The following RALGAPA1 variants were observed in gnomAD, a reference collection of about 807,000 sequenced individuals.
RALGAPA1 encodes Ral GTPase activating protein catalytic subunit alpha 1, also known as ral GTPase-activating protein subunit alpha-1.
In RALGAPA1, 52 loss-of-function variants were observed where a neutral mutation model predicts 269.6. That is an observed-to-expected ratio of 0.19 (90% CI 0.15 to 0.24). The LOEUF (loss-of-function observed/expected upper bound fraction) is 0.24. Ranked by LOEUF, RALGAPA1 falls within the 10% of genes least tolerant of loss-of-function variation. RALGAPA1 has a pLI of 1.00. For missense variants in RALGAPA1, 1,917 were observed against 3,013.9 expected, an observed-to-expected ratio of 0.64 and a Z score of 8.52; for synonymous variants, 817 against 1,008.3, an observed-to-expected ratio of 0.81 and a Z score of 3.60.
At chr14:35,625,313 G>T in intron 35 of RALGAPA1, 48 bp downstream of exon 35, 1 of 1,200,042 alleles carries the variant, frequency 8.3e-7, no homozygotes, top group Non-Finnish European at 1.2e-6. Flanking sequence ...TTCTAAAAGA[G>T]AAATACCTGA....
intron 8 of RALGAPA1, among the ~76,000 whole-genome samples, chr14:35,751,080 T>C (rs2072638419): frequency 6.6e-6 from 1 of 152,164 alleles, no homozygotes; most frequent in Non-Finnish European, 1.5e-5. Flanking sequence ...AACTTGGTAT[T>C]AGGAACATCT....
chr14:35,694,855 C>G (rs1411161531), intron 17 of RALGAPA1, among the ~76,000 whole-genome samples: 1 of 151,928 alleles, frequency 6.6e-6, no homozygotes, highest in African/African-American at 2.4e-5. Context: ...GGTGGGTGGA[C>G]CACCTGAGGT....
chr14:35,645,924 A>C (rs1041192452), intron 31 of RALGAPA1, among the ~76,000 whole-genome samples: 4 of 152,176 alleles, frequency 2.6e-5, no homozygotes, highest in Middle Eastern at 6.8e-3. Flanking sequence ...GCATGCCCCC[A>C]AAATAATGGG....
intron 31 of RALGAPA1, among the ~76,000 whole-genome samples, chr14:35,636,950 C>T (rs2061698518): frequency 6.6e-6 from 1 of 152,260 alleles, no homozygotes; most frequent in South Asian, 2.1e-4. Flanking sequence ...TGGGAACTTG[C>T]TGTGAATCTA....
intron 1 of RALGAPA1, among the ~76,000 whole-genome samples, chr14:35,800,877 T>C (rs1184235480): frequency 1.3e-5 from 2 of 151,892 alleles, no homozygotes; most frequent in East Asian, 3.9e-4. Flanking sequence ...GGGTGGCGCA[T>C]GCCTGTAGTC....
chr14:35,585,916 G>C (rs888616943), intron 37 of RALGAPA1, among the ~76,000 whole-genome samples: 5 of 152,170 alleles, frequency 3.3e-5, no homozygotes, highest in African/African-American at 4.8e-5. Flanking sequence ...TTTTGCTTAG[G>C]ATTGTCTTGG....
intron 1 of RALGAPA1, among the ~76,000 whole-genome samples, chr14:35,789,080 A>G (rs1031547173): frequency 1.3e-4 from 20 of 152,166 alleles, no homozygotes; most frequent in African/African-American, 4.8e-4. Context: ...AAATCAAACT[A>G]CTAGAGGGAA....
chr14:35,582,071 G>A (rs1365404472), intron 37 of RALGAPA1, among the ~76,000 whole-genome samples: 1 of 152,198 alleles, frequency 6.6e-6, no homozygotes, highest in Non-Finnish European at 1.5e-5. Context: ...AAATTCTGAT[G>A]TATGCTACAA....
At chr14:35,553,684 A>C (rs1010261077) in intron 39 of RALGAPA1, among the ~76,000 whole-genome samples, 1 of 152,218 alleles carries the variant, frequency 6.6e-6, no homozygotes. Context: ...GTTATACACA[A>C]GAATGAATAT....
chr14:35,726,580 G>A (rs2069931667), intron 13 of RALGAPA1, among the ~76,000 whole-genome samples: 1 of 151,930 alleles, frequency 6.6e-6, no homozygotes, highest in South Asian at 2.1e-4. Flanking sequence ...TTCAGCCCAG[G>A]AGCTCAAGAA....
At chr14:35,704,902 A>G (rs986162644) in intron 16 of RALGAPA1, among the ~76,000 whole-genome samples, 6 of 152,162 alleles carry the variant, frequency 3.9e-5, no homozygotes, top group African/African-American at 1.4e-4. Context: ...ATAAATGGAG[A>G]ATGACACAAA....
intron 35 of RALGAPA1, among the ~76,000 whole-genome samples, chr14:35,612,536 T>TTCC (rs2060004696): frequency 6.6e-6 from 1 of 150,798 alleles, no homozygotes; most frequent in Non-Finnish European, 1.5e-5. Context: ...CTTCTTCTTC[T>TTCC]TCTTCTTTTT....
chr14:35,623,170 C>T (rs2060754175), intron 35 of RALGAPA1, among the ~76,000 whole-genome samples: 1 of 148,520 alleles, frequency 6.7e-6, no homozygotes, highest in Non-Finnish European at 1.5e-5. Context: ...TTAAGCACAA[C>T]AAATAATTCA....
At chr14:35,764,421 T>G (rs1443275084) in intron 4 of RALGAPA1, among the ~76,000 whole-genome samples, 1 of 152,182 alleles carries the variant, frequency 6.6e-6, no homozygotes, top group African/African-American at 2.4e-5. Context: ...GAGTTCCTTC[T>G]GTATTACTAA....
intron 35 of RALGAPA1, among the ~76,000 whole-genome samples, chr14:35,621,870 G>T (rs560042747): frequency 6.6e-6 from 1 of 152,326 alleles, no homozygotes; most frequent in Non-Finnish European, 1.5e-5. Context: ...AACAACAGAT[G>T]CTGGAGAGGA....
chr14:35,589,781 G>C (rs2058528987), intron 37 of RALGAPA1, among the ~76,000 whole-genome samples: 1 of 151,984 alleles, frequency 6.6e-6, no homozygotes, highest in South Asian at 2.1e-4. Flanking sequence ...GCTCATTGCA[G>C]CCTCAAGCTC....
chr14:35,611,712 G>C (rs2059947181), intron 35 of RALGAPA1, among the ~76,000 whole-genome samples: 2 of 151,878 alleles, frequency 1.3e-5, no homozygotes, highest in South Asian at 4.2e-4. Context: ...TCTAGGCTGG[G>C]CAAAAGAGTG....
intron 4 of RALGAPA1, among the ~76,000 whole-genome samples, chr14:35,770,296 C>T (rs2074517687): frequency 6.6e-6 from 1 of 152,142 alleles, no homozygotes; most frequent in Admixed American, 6.5e-5. Context: ...TACAAAAACA[C>T]TACAGCTAAA....
chr14:35,791,984 G>C (rs1253001521), intron 1 of RALGAPA1, among the ~76,000 whole-genome samples: 2 of 146,040 alleles, frequency 1.4e-5, no homozygotes, highest in African/African-American at 5.1e-5. Flanking sequence ...TAGACATCTT[G>C]AAGAATGTTA....
Sources: gnomAD v4.1 joint callset for allele counts (sites outside exome capture counted in the v4.1 genomes callset) on GRCh38, gnomAD v4.1.1 for gene constraint, MANE v1.5 for transcripts, NCBI Gene and HGNC (gene_info 2026-07-23, HGNC 2026-07-21) for gene names.